PTK2: variants seen among roughly 807,000 people sequenced by gnomAD.
PTK2 encodes focal adhesion kinase 1.
PTK2 carries 45 observed loss-of-function variants against 150.1 expected under a neutral mutation model. That is an observed-to-expected ratio of 0.30 (90% CI 0.24 to 0.38). The LOEUF is 0.38. Among genes scored for constraint, PTK2 ranks in the 10% least tolerant of loss-of-function variants. The pLI is 1.00. For synonymous variants in PTK2, 432 were observed against 449.2 expected, an observed-to-expected ratio of 0.96 and a Z score of 0.48; for missense variants, 919 against 1,307.3, an observed-to-expected ratio of 0.70 and a Z score of 4.58.
intron 1 of PTK2, among the ~76,000 whole-genome samples, chr8:140,976,283 G>A (rs1158442594): frequency 6.6e-6 from 1 of 152,108 alleles, no homozygotes; most frequent in Non-Finnish European, 1.5e-5. Context: ...ACAATACCTA[G>A]ACACTTCAAT....
At chr8:140,921,083 CA>C (rs1172593080) in intron 2 of PTK2, 26 of 1,312,552 alleles carry the variant, frequency 2.0e-5, no homozygotes, top group Admixed American at 3.9e-5. Context: ...TATTTTCCAG[CA>C]GCTTGAAGAA....
intron 1 of PTK2, among the ~76,000 whole-genome samples, chr8:140,940,359 G>A (rs971418419): frequency 6.6e-6 from 1 of 152,120 alleles, no homozygotes; most frequent in Non-Finnish European, 1.5e-5. Context: ...GAGAGACTCA[G>A]GCAGGCCTGA....
At chr8:140,784,807 CTGTTAATCT>C (rs2100083958) in intron 14 of PTK2, among the ~76,000 whole-genome samples, 1 of 152,184 alleles carries the variant, frequency 6.6e-6, no homozygotes, top group Non-Finnish European at 1.5e-5. Flanking sequence ...TTATAAATCT[CTGTTAATCT>C]TACACTTATT....
At chr8:140,838,488 A>G (rs2100120182) in intron 7 of PTK2, among the ~76,000 whole-genome samples, 1 of 152,172 alleles carries the variant, frequency 6.6e-6, no homozygotes, top group Non-Finnish European at 1.5e-5. Context: ...ATTGTTAAGT[A>G]TCTTTATTAT....
chr8:140,674,244 G>A (rs1047648334), intron 29 of PTK2, 54 bp downstream of exon 32: 4 of 1,490,514 alleles, frequency 2.7e-6, no homozygotes, highest in African/African-American at 1.4e-5. Flanking sequence ...CTGAGAACTA[G>A]GGGACACCAC....
At chr8:140,664,922 G>T in exon 31 of PTK2, 1 of 1,613,348 alleles carries the variant, frequency 6.2e-7, no homozygotes, top group South Asian at 1.1e-5. Flanking sequence ...CCTACCTCTC[G>T]GTGGGTGCTG....
At chr8:140,823,015 A>C (rs2100109723) in intron 8 of PTK2, among the ~76,000 whole-genome samples, 1 of 152,196 alleles carries the variant, frequency 6.6e-6, no homozygotes. Flanking sequence ...GAGTGTAAGA[A>C]ATGTCTCCCA....
chr8:140,829,092 A>G (rs1045603296), intron 8 of PTK2, among the ~76,000 whole-genome samples: 1 of 152,256 alleles, frequency 6.6e-6, no homozygotes, highest in South Asian at 2.1e-4. Context: ...TAGATCAGGA[A>G]ACTTGAATGA....
At chr8:140,982,064 TA>T (rs142919207) in intron 1 of PTK2, among the ~76,000 whole-genome samples, 5,781 of 112,310 alleles carry the variant, frequency 0.051, 265 homozygotes, top group African/African-American at 0.13. Context: ...ACCAACTCAA[TA>T]AAAAAAAAAA....
chr8:140,696,971 CAA>C (rs1449146873), intron 26 of PTK2, among the ~76,000 whole-genome samples: 2 of 151,174 alleles, frequency 1.3e-5, no homozygotes, highest in Non-Finnish European at 3.0e-5. Context: ...GAAACTCTAC[CAA>C]AAATACAAAA....
At chr8:140,971,637 T>C (rs1245754868) in intron 1 of PTK2, among the ~76,000 whole-genome samples, 2 of 152,226 alleles carry the variant, frequency 1.3e-5, no homozygotes, top group African/African-American at 4.8e-5. Flanking sequence ...ACAGTACTTA[T>C]ATGAGGAATT....
At chr8:140,759,429 T>C (rs1378563775) in intron 16 of PTK2, among the ~76,000 whole-genome samples, 1 of 147,388 alleles carries the variant, frequency 6.8e-6, no homozygotes, top group African/African-American at 2.5e-5. Flanking sequence ...AGCTACTTGG[T>C]AGGCTGAGGT....
intron 1 of PTK2, chr8:140,983,855 T>G (rs2100192349): frequency 6.6e-6 from 1 of 152,112 alleles, no homozygotes; most frequent in Non-Finnish European, 1.5e-5. Flanking sequence ...TCATAAAGCG[T>G]TTAATAAGAC....
rs74623609 is a variant in PTK2 at position 140,945,868 on chromosome 8, T to C, written c.-121-20119A>G. On this transcript the variant is annotated intron_variant, in intron 1 of 31. Transcript: ENST00000522684. The stretch of plus-strand genomic sequence containing the variant: ...ACTACCTAGAATGCTCTTCCTCAAC[T>C]CTAGTTTCTCCTTAACACAATTCCC... 4.3e-3 allele frequency among the ~76,000 whole-genome samples: 660 copies of C among 152,290 alleles called. 4 individuals are homozygous for C. The highest frequency in any genetic ancestry group is 0.015 in the African/African-American group (630 of 41,574).
intron 10 of PTK2, among the ~76,000 whole-genome samples, chr8:140,816,756 T>C (rs909453778): frequency 3.2e-4 from 48 of 152,316 alleles, no homozygotes; most frequent in African/African-American, 1.1e-3. Flanking sequence ...GTTACAAGAA[T>C]AACTTTGTAT....
chr8:140,989,909 T>C (rs2100195032), intron 1 of PTK2, among the ~76,000 whole-genome samples: 1 of 37,726 alleles, frequency 2.7e-5, no homozygotes, highest in South Asian at 1.9e-3. Context: ...ACTCTTTGTC[T>C]CAAAAAAAAA....
At chr8:140,844,068 T>C (rs574161274) in intron 7 of PTK2, among the ~76,000 whole-genome samples, 1 of 152,314 alleles carries the variant, frequency 6.6e-6, no homozygotes, top group Admixed American at 6.5e-5. Flanking sequence ...AAAATGTCCC[T>C]GAAGAGGGAT....
chr8:140,697,335 TAGTG>T (rs937974098), intron 26 of PTK2, among the ~76,000 whole-genome samples: 3 of 150,758 alleles, frequency 2.0e-5, no homozygotes, highest in Non-Finnish European at 4.4e-5. Flanking sequence ...AAACACCACA[TAGTG>T]AGAAGTATTT....
intron 16 of PTK2, 77 bp from the exon 20 acceptor site, chr8:140,752,393 T>C: frequency 1.5e-6 from 2 of 1,353,044 alleles, no homozygotes; most frequent in Non-Finnish European, 2.1e-6. Context: ...AAAACCTGTC[T>C]GTTTTGCAAC....
Sources: allele counts gnomAD v4.1 joint callset (sites outside exome capture counted in the v4.1 genomes callset), GRCh38; gene constraint gnomAD v4.1.1; transcripts MANE v1.5; gene names NCBI Gene and HGNC (gene_info 2026-07-23, HGNC 2026-07-21).